The following DKK3 variants were observed in gnomAD, a reference collection of about 807,000 sequenced individuals.
DKK3 encodes the protein dickkopf Wnt signaling pathway inhibitor 3.
In DKK3, 22 loss-of-function variants were observed where a neutral mutation model predicts 33.2. The ratio of observed to expected loss-of-function variants is 0.66; its 90% CI spans 0.47 to 0.95. The LOEUF is 0.95. DKK3 is among the 40% of genes least tolerant of loss of function. DKK3 has a pLI of 0.00. For missense variants in DKK3, 398 were observed against 458.4 expected (o/e 0.87, Z 1.20); for synonymous variants, 194 against 188.8 (o/e 1.03, Z -0.23).
At chr11:11,991,546 ACT>A (rs1243295134) in intron 3 of DKK3, among the ~76,000 whole-genome samples, 1 of 151,686 alleles carries the variant, frequency 6.6e-6, no homozygotes, top group Non-Finnish European at 1.5e-5. Flanking sequence ...ATAGTGAGAC[ACT>A]GTCTCTACAA....
intron 3 of DKK3, among the ~76,000 whole-genome samples, chr11:11,984,669 AAAAGAAAAAGTG>A (rs916357303): frequency 6.6e-6 from 1 of 151,184 alleles, no homozygotes; most frequent in African/African-American, 2.4e-5. Flanking sequence ...AAAAAAAAAA[AAAAGAAAAAGTG>A]AAGAAAATCT....
At chr11:11,964,740 G>T (rs553951047) in intron 6 of DKK3, 54 bp from the exon 7 acceptor site, 2 of 1,568,510 alleles carry the variant, frequency 1.3e-6, no homozygotes, top group Admixed American at 3.7e-5. Context: ...TGCCCAGGCC[G>T]AAAGCTAAGG....
chr11:11,968,043 C>T lies in DKK3; in HGVS notation c.528+352G>A, dbSNP rs138466526. Among the ~76,000 whole-genome samples the T allele has an allele frequency of 1.8e-3, 278 of 152,188 alleles. 2 individuals are homozygous for T. The highest frequency in any genetic ancestry group is 6.4e-3 in the African/African-American group (265 of 41,528). On this transcript the variant is annotated intron_variant, in intron 4 of 6. Transcript: ENST00000683431. Reference sequence around the variant, plus strand: ...CCCTTCCCTCCCCTTCTCGAACTCCCGGCCTCAATAGATCCTTCTGCCTTG... The same window carrying T: ...CCCTTCCCTCCCCTTCTCGAACTCCTGGCCTCAATAGATCCTTCTGCCTTG...
chr11:11,965,015 C>T (rs1353715775), intron 6 of DKK3, among the ~76,000 whole-genome samples: 1 of 152,184 alleles, frequency 6.6e-6, no homozygotes, highest in Non-Finnish European at 1.5e-5. Flanking sequence ...GTGGCCCATT[C>T]GGGCCTCCAG....
chr11:11,984,084 T>G (rs906508731), intron 3 of DKK3, among the ~76,000 whole-genome samples: 2 of 152,220 alleles, frequency 1.3e-5, no homozygotes, highest in Non-Finnish European at 2.9e-5. Context: ...GAGGTCCCAG[T>G]GTGGACACTG....
chr11:12,006,589 A>AC (rs1397591097), intron 1 of DKK3, among the ~76,000 whole-genome samples: 3 of 151,942 alleles, frequency 2.0e-5, no homozygotes, highest in Admixed American at 2.0e-4. Flanking sequence ...GCAAACTTCA[A>AC]CCCCCCAACC....
intron 2 of DKK3, 21 bp from the exon 3 acceptor site, chr11:11,998,800 T>C (rs1307007211): frequency 1.3e-6 from 2 of 1,594,458 alleles, no homozygotes; most frequent in Non-Finnish European, 1.7e-6. Flanking sequence ...ACAGGTACAA[T>C]GAAAGTAAAA....
At chr11:11,981,854 C>T (rs1271557901) in intron 3 of DKK3, among the ~76,000 whole-genome samples, 1 of 152,122 alleles carries the variant, frequency 6.6e-6, no homozygotes, top group African/African-American at 2.4e-5. Flanking sequence ...GGTTGCTCTC[C>T]AGGCCAAACA....
chr11:11,999,499 C>A (rs757373519), intron 2 of DKK3, among the ~76,000 whole-genome samples: 2 of 152,214 alleles, frequency 1.3e-5, no homozygotes, highest in African/African-American at 4.8e-5. Context: ...GTGGCAAGTG[C>A]CGATAATCCC....
At chr11:11,987,011 C>T (rs935095358) in intron 3 of DKK3, among the ~76,000 whole-genome samples, 4 of 152,206 alleles carry the variant, frequency 2.6e-5, no homozygotes, top group Admixed American at 2.0e-4. Flanking sequence ...ACTTCCGTTT[C>T]TATTCCCCAA....
At chr11:11,996,033 G>C (rs529212828) in intron 3 of DKK3, among the ~76,000 whole-genome samples, 1 of 152,324 alleles carries the variant, frequency 6.6e-6, no homozygotes, top group East Asian at 1.9e-4. Flanking sequence ...AAAGTATAGG[G>C]TGTGTGGTGA....
At chr11:12,009,268 TG>T (rs1394959177), upstream of DKK3, 1 of 983,722 alleles carries the variant, frequency 1.0e-6, no homozygotes. Flanking sequence ...AGCGGCGCGG[TG>T]GGCGGGCCGC....
At chr11:11,995,593 C>T (rs1215883310) in intron 3 of DKK3, among the ~76,000 whole-genome samples, 1 of 152,246 alleles carries the variant, frequency 6.6e-6, no homozygotes, top group Non-Finnish European at 1.5e-5. Flanking sequence ...AAAAGGGTGC[C>T]TTGGCTAATT....
chr11:11,991,827 G>A (rs1848194446), intron 3 of DKK3, among the ~76,000 whole-genome samples: 2 of 152,142 alleles, frequency 1.3e-5, no homozygotes, highest in African/African-American at 4.8e-5. Flanking sequence ...AAGTGCCTTT[G>A]CTTATAAAAT....
intron 3 of DKK3, among the ~76,000 whole-genome samples, chr11:11,972,445 G>T (rs1031149433): frequency 2.6e-5 from 4 of 152,212 alleles, no homozygotes; most frequent in Admixed American, 6.5e-5. Flanking sequence ...TCAAACAGGT[G>T]GGAAGTGGCC....
upstream of DKK3, chr11:12,008,771 A>G: frequency 1.7e-6 from 2 of 1,172,654 alleles, no homozygotes; most frequent in African/African-American, 3.3e-5. The surrounding 1 kb of genome is among the most constrained non-coding windows in gnomAD (Gnocchi z 4.6). Context: ...GCTCCCCTAC[A>G]CCCGAAAAGA....
At chr11:11,964,821 C>T in intron 6 of DKK3, 135 bp from the exon 7 acceptor site, 2 of 1,450,184 alleles carry the variant, frequency 1.4e-6, no homozygotes, top group South Asian at 1.4e-5. Context: ...AACAGAGACA[C>T]TTCACTTCCC....
chr11:11,994,269 A>T (rs1055251966), intron 3 of DKK3, among the ~76,000 whole-genome samples: 3 of 151,846 alleles, frequency 2.0e-5, no homozygotes, highest in African/African-American at 7.3e-5. Context: ...GCCTTTATAA[A>T]CCTTGCCACA....
chr11:11,980,681 C>A (rs1245910823), intron 3 of DKK3, among the ~76,000 whole-genome samples: 2 of 152,158 alleles, frequency 1.3e-5, no homozygotes, highest in African/African-American at 2.4e-5. Context: ...CTCCTGGGTG[C>A]TCCCCAGTCC....
Sources: gnomAD v4.1 joint callset for allele counts (sites outside exome capture counted in the v4.1 genomes callset) on GRCh38, gnomAD v4.1.1 for gene constraint, Gnocchi (gnomAD v3.1) non-coding constraint, MANE v1.5 for transcripts, NCBI Gene and HGNC (gene_info 2026-07-23, HGNC 2026-07-21) for gene names.